The following UBE2D2 variants were observed in gnomAD, a reference collection of about 807,000 sequenced individuals.
UBE2D2 encodes ubiquitin-conjugating enzyme E2 D2.
Under a neutral mutation model 24.2 loss-of-function variants are expected in UBE2D2, and 2 were observed. The observed-to-expected ratio is 0.08, with a 90% confidence interval of 0.03 to 0.26. The LOEUF (loss-of-function observed/expected upper bound fraction) is 0.26, where lower values mean the gene tolerates loss of function less well. Ranked by LOEUF, UBE2D2 falls within the 10% of genes least tolerant of loss-of-function variation. The pLI, the probability that UBE2D2 is intolerant of heterozygous loss-of-function variation, is 1.00. For missense variants in UBE2D2, 44 were observed against 177.6 expected (o/e 0.25, Z 4.28); for synonymous variants, 58 against 56.5 (o/e 1.03, Z -0.12).
chr5:139,565,748 T>G (rs1277285952), intron 1 of UBE2D2, among the ~76,000 whole-genome samples: 1 of 152,152 alleles, frequency 6.6e-6, no homozygotes, highest in East Asian at 1.9e-4. Context: ...TATACAGATG[T>G]AGGAGGCTTT....
At chr5:139,559,818 C>A (rs1753035018), upstream of UBE2D2, among the ~76,000 whole-genome samples, 1 of 152,144 alleles carries the variant, frequency 6.6e-6, no homozygotes, top group South Asian at 2.1e-4. Flanking sequence ...AGAATGTGGG[C>A]ATTACCTCCC....
chr5:139,576,490 T>A (rs1477080624), intron 1 of UBE2D2, among the ~76,000 whole-genome samples: 1 of 152,144 alleles, frequency 6.6e-6, no homozygotes, highest in Non-Finnish European at 1.5e-5. Flanking sequence ...AAGATGATTT[T>A]TTTTTTTGAG....
intron 1 of UBE2D2, chr5:139,562,114 AG>A: frequency 1.9e-6 from 2 of 1,038,634 alleles, no homozygotes; most frequent in Non-Finnish European, 2.7e-6. Flanking sequence ...GCTGCACTTG[AG>A]GGCCATTGTC....
chr5:139,570,272 AAACAAC>A (rs561129243), intron 1 of UBE2D2, among the ~76,000 whole-genome samples: 2 of 151,974 alleles, frequency 1.3e-5, no homozygotes, highest in Non-Finnish European at 2.9e-5. Flanking sequence ...TTCTGTGTCA[AAACAAC>A]AACAACAACA....
At chr5:139,569,921 A>G (rs1274908268) in intron 1 of UBE2D2, among the ~76,000 whole-genome samples, 4 of 152,176 alleles carry the variant, frequency 2.6e-5, no homozygotes, top group Non-Finnish European at 4.4e-5. Flanking sequence ...ATCTTCCTCA[A>G]CTTCCCTTTA....
At chr5:139,545,967 T>C (rs1167844266) in intron 1 of UBE2D2, among the ~76,000 whole-genome samples, 2 of 149,220 alleles carry the variant, frequency 1.3e-5, no homozygotes, top group African/African-American at 4.9e-5. Context: ...CCTCAAGTGA[T>C]CCACCCGCCT....
At chr5:139,623,554 T>C in intron 6 of UBE2D2, 93 bp downstream of exon 6, 1 of 1,013,110 alleles carries the variant, frequency 9.9e-7, no homozygotes, top group Non-Finnish European at 1.5e-6. Context: ...ATCGGCCAGA[T>C]ATTTAAAGTG....
chr5:139,533,945 G>T (rs1184595201), intron 1 of UBE2D2, among the ~76,000 whole-genome samples: 5 of 151,380 alleles, frequency 3.3e-5, no homozygotes. Context: ...ACCAAGCCTG[G>T]CTAATTTTTG....
At chr5:139,600,143 C>T (rs1754042206) in intron 1 of UBE2D2, 1 of 587,552 alleles carries the variant, frequency 1.7e-6, no homozygotes, top group Non-Finnish European at 3.1e-6. Flanking sequence ...TATTTATTTG[C>T]TAAGCTCTGA....
intron 1 of UBE2D2, among the ~76,000 whole-genome samples, chr5:139,567,042 A>G (rs556616593): frequency 2.0e-5 from 3 of 152,320 alleles, no homozygotes; most frequent in Admixed American, 2.0e-4. Context: ...AGTCATTTAA[A>G]CAATACTTTC....
intron 1 of UBE2D2, among the ~76,000 whole-genome samples, chr5:139,588,248 GTTTT>G (rs1206193414): frequency 2.0e-5 from 3 of 146,940 alleles, no homozygotes; most frequent in African/African-American, 7.4e-5. Flanking sequence ...CTTGTTTAGC[GTTTT>G]TTTTTTTGTT....
chr5:139,606,736 C>T (rs1264174561), intron 2 of UBE2D2, among the ~76,000 whole-genome samples: 1 of 152,082 alleles, frequency 6.6e-6, no homozygotes, highest in East Asian at 1.9e-4. Flanking sequence ...ATATTTTATG[C>T]TTATGGTCCA....
chr5:139,621,869 TG>T (rs1417211243), intron 5 of UBE2D2, among the ~76,000 whole-genome samples: 17 of 152,358 alleles, frequency 1.1e-4, no homozygotes, highest in African/African-American at 4.1e-4. Context: ...GCGATCCTTC[TG>T]CTGTGGCCTC....
chr5:139,543,869 A>G (rs1752788698), intron 1 of UBE2D2, among the ~76,000 whole-genome samples: 1 of 152,230 alleles, frequency 6.6e-6, no homozygotes, highest in South Asian at 2.1e-4. Context: ...CACAATTTGC[A>G]TGAAGCCTTT....
intron 1 of UBE2D2, among the ~76,000 whole-genome samples, chr5:139,528,773 G>A (rs949882826): frequency 2.6e-5 from 4 of 152,168 alleles, no homozygotes; most frequent in Non-Finnish European, 5.9e-5. Flanking sequence ...GTATCAGAGA[G>A]CCCAGTTAAA....
At chr5:139,541,001 A>C (rs1347141289) in intron 1 of UBE2D2, among the ~76,000 whole-genome samples, 1 of 151,692 alleles carries the variant, frequency 6.6e-6, no homozygotes, top group African/African-American at 2.4e-5. Flanking sequence ...CTCAAAAAAA[A>C]AAAAGTCTGG....
At chr5:139,575,815 G>A (rs1753457187) in intron 1 of UBE2D2, among the ~76,000 whole-genome samples, 1 of 152,154 alleles carries the variant, frequency 6.6e-6, no homozygotes, top group African/African-American at 2.4e-5. Flanking sequence ...CACTTGGCTG[G>A]GAGACCAGCC....
intron 2 of UBE2D2, 45 bp downstream of exon 2, chr5:139,600,480 T>A: frequency 6.3e-7 from 1 of 1,592,716 alleles, no homozygotes; most frequent in Non-Finnish European, 8.6e-7. Context: ...TAACAGTGGT[T>A]ATTTTGTGTG....
At chr5:139,540,927 A>G (rs1752751520) in intron 1 of UBE2D2, among the ~76,000 whole-genome samples, 1 of 150,250 alleles carries the variant, frequency 6.7e-6, no homozygotes, top group South Asian at 2.1e-4. Context: ...CTGGAGGTGG[A>G]GGTTGCAGTG....
Sources: allele counts gnomAD v4.1 joint callset (sites outside exome capture counted in the v4.1 genomes callset), GRCh38; gene constraint gnomAD v4.1.1; transcripts MANE v1.5; gene names NCBI Gene and HGNC (gene_info 2026-07-23, HGNC 2026-07-21).